PTPN11: variants seen among roughly 807,000 people sequenced by gnomAD.
The protein encoded by PTPN11 is protein tyrosine phosphatase non-receptor type 11, also known as tyrosine-protein phosphatase non-receptor type 11.
Under a neutral mutation model 78.8 loss-of-function variants are expected in PTPN11, and 6 were observed. That is an observed-to-expected ratio of 0.08 (90% confidence interval 0.04 to 0.15). PTPN11 has a LOEUF of 0.15. Ranked by LOEUF, PTPN11 falls within the 10% of genes least tolerant of loss-of-function variation. PTPN11 has a pLI of 1.00. For synonymous variants in PTPN11, 221 were observed against 263.5 expected (o/e 0.84, Z 1.56); for missense variants, 386 against 744.8 (o/e 0.52, Z 5.61).
At chr12:112,455,792 C>T (rs181898787) in intron 5 of PTPN11, among the ~76,000 whole-genome samples, 158 bp from the exon 6 acceptor site, 3 of 151,260 alleles carry the variant, frequency 2.0e-5, no homozygotes, top group South Asian at 2.1e-4. Context: ...CACGGTGAAA[C>T]GATTTGAAAA....
rs1386827892 is a variant in PTPN11 at position 112,446,295 on chromosome 12, A to G, written c.34A>G (p.Thr12Ala). The change falls in exon 2 of 16, where the codon ACT (threonine) becomes GCT (alanine). Residue 12 changes from threonine (T) to alanine (A), a missense_variant. This residue lies in a region of PTPN11 where 279 missense variants were observed against 503.3 expected (regional missense o/e 0.55). Coordinates refer to ENST00000351677, the MANE Select transcript of PTPN11 (RefSeq NM_002834.5). The stretch of plus-strand genomic sequence containing the variant: ...TTTAAGATGGTTTCACCCAAATATC[A>G]CTGGTGTGGAGGCAGAAAACCTACT... The part of the protein sequence containing the change: ...TSRRWFHPNI[T>A]GVEAENLLLT... 3.1e-6 allele frequency: 5 copies of G among 1,613,974 alleles called. No homozygotes were observed. The highest frequency in any genetic ancestry group is 1.7e-5 in the Admixed American group (1 of 59,996).
chr12:112,506,988 A>T lies in PTPN11; in HGVS notation c.*1196A>T. 3.9e-6 allele frequency: 1 copy of T among 255,716 alleles called. No homozygotes were observed. The highest frequency in any genetic ancestry group is 5.3e-5 in the South Asian group (1 of 18,728). The allele number at this position is 255,716 out of a possible 1,614,324, so 15.8% of individuals were successfully genotyped here. ...GATGATGATGATGATGATGATGATG[A>T]TGATGGTTTTTTCTAATCAGAAGAA... On this transcript the variant is annotated 3_prime_UTR_variant, in exon 16 of 16. Transcript: ENST00000351677.
rs869312744 is a variant in PTPN11 at position 112,450,452 on chromosome 12, A to G, written c.272A>G (p.Lys91Arg). The G allele has an allele frequency of 6.2e-7, 1 of 1,614,044 alleles. No homozygotes were observed. Among genetic ancestry groups the G allele is most frequent in the African/African-American group, 1.3e-5 (1 of 75,044 alleles). The change falls in exon 3 of 16, where the codon AAG becomes AGG. Residue 91 changes from lysine (K) to arginine (R), a missense_variant. Physicochemically the swap from Lys to Arg is conservative, Grantham distance 26 (BLOSUM62 2). Coordinates refer to ENST00000351677, the MANE Select transcript of PTPN11 (RefSeq NM_002834.5). ...YMEHHGQLKE[K>R]NGDVIELKYP... ...GAACATCACGGGCAATTAAAAGAGA[A>G]GAATGGAGATGTCATTGAGCTTAAA...
chr12:112,453,266 T>A lies in PTPN11; in HGVS notation c.404T>A (p.Phe135Tyr). ...ACTGAAAAAGGAAAACATGGTAGTT[T>A]TCTTGTACGAGAGAGCCAGAGCCAC... Reference protein sequence around the residue: ...LLTEKGKHGSFLVRESQSHPG... With the variant: ...LLTEKGKHGSYLVRESQSHPG... The change falls in exon 4 of 16, where the codon TTT (phenylalanine) becomes TAT (tyrosine). Residue 135 changes from phenylalanine to tyrosine, a missense_variant. Phe to Tyr is a conservative substitution (Grantham distance 22, BLOSUM62 3). Transcript: ENST00000351677. The A allele has an allele frequency of 1.2e-6, 2 of 1,613,800 alleles. No homozygotes were observed. The highest frequency in any genetic ancestry group is 2.2e-5 in the South Asian group (2 of 91,076).
intron 12 of PTPN11, among the ~76,000 whole-genome samples, 173 bp from the exon 13 acceptor site, chr12:112,488,851 C>T (rs2038711301): frequency 2.0e-5 from 3 of 152,192 alleles, no homozygotes; most frequent in African/African-American, 7.2e-5. Flanking sequence ...ATGTAGTCTT[C>T]TGGGATCATT....
chr12:112,489,944 G>C (rs2038725456), intron 13 of PTPN11, among the ~76,000 whole-genome samples: 1 of 152,164 alleles, frequency 6.6e-6, no homozygotes, highest in Non-Finnish European at 1.5e-5. Context: ...TTCTAGCCTA[G>C]CAGAACAGCA....
At chr12:112,437,330 G>A (rs1353005562) in intron 1 of PTPN11, among the ~76,000 whole-genome samples, 1 of 151,398 alleles carries the variant, frequency 6.6e-6, no homozygotes. Context: ...GCTAATTTTT[G>A]TATTTTTTTT....
At chr12:112,449,189 C>T (rs2038040605) in intron 2 of PTPN11, among the ~76,000 whole-genome samples, 1 of 148,484 alleles carries the variant, frequency 6.7e-6, no homozygotes, top group East Asian at 2.1e-4. Context: ...GCCTGGCCAT[C>T]ACTTTTTTTT....
intron 1 of PTPN11, among the ~76,000 whole-genome samples, chr12:112,432,237 A>C (rs762522718): frequency 2.0e-5 from 3 of 152,216 alleles, no homozygotes; most frequent in Non-Finnish European, 2.9e-5. Context: ...TTCACACTCT[A>C]TGCCCGTCCA....
At position 112,504,868 on chromosome 12, in the gene PTPN11, T is replaced by C; in HGVS notation, c.*32+72T>C. On this transcript the variant is annotated intron_variant, in intron 15 of 15. Transcript: ENST00000351677. The surrounding 1 kb of genome is among the most constrained non-coding windows in gnomAD (Gnocchi z 4.7). ...CAGTATTTTTAAGCAGGCAAGCAAT[T>C]TGGGAATGTTTTAGCAAAGTGTACC... 9.9e-7 allele frequency: 1 copy of C among 1,011,970 alleles called. No individual in the cohort carries two copies. The highest frequency in any genetic ancestry group is 1.5e-6 in the Non-Finnish European group (1 of 659,204). 62.7% of individuals were successfully genotyped at this position (1,011,970 alleles called of 1,614,324 possible). A position where few individuals can be genotyped will look rare whatever the true frequency, so the allele number is the denominator to read the frequency against.
At chr12:112,442,830 T>TTATATATATATATATATATATA (rs71086107) in intron 1 of PTPN11, among the ~76,000 whole-genome samples, 1 of 43,532 alleles carries the variant, frequency 2.3e-5, no homozygotes, top group Non-Finnish European at 6.0e-5. Flanking sequence ...CTCTCTCTTT[T>TTATATATATATATATATATATA]TATATATATA....
chr12:112,481,684 G>A (rs961104181), intron 9 of PTPN11, among the ~76,000 whole-genome samples: 1 of 152,060 alleles, frequency 6.6e-6, no homozygotes, highest in Non-Finnish European at 1.5e-5. Context: ...GTAGAGACAC[G>A]GTTTCACCAT....
chr12:112,499,619 A>G (rs1414304477), intron 13 of PTPN11, among the ~76,000 whole-genome samples: 1 of 152,042 alleles, frequency 6.6e-6, no homozygotes, highest in Non-Finnish European at 1.5e-5. Context: ...GATTACAGGT[A>G]TGAGCCACAG....
intron 1 of PTPN11, among the ~76,000 whole-genome samples, chr12:112,432,773 A>G (rs1204744456): frequency 2.0e-5 from 3 of 151,778 alleles, no homozygotes; most frequent in African/African-American, 4.8e-5. Context: ...TGAACTCAGG[A>G]GTTTGAGACT....
intron 1 of PTPN11, among the ~76,000 whole-genome samples, chr12:112,435,208 T>A (rs556162369): frequency 6.6e-6 from 1 of 152,038 alleles, no homozygotes; most frequent in East Asian, 1.9e-4. Context: ...TTTGTAGAGA[T>A]GGGGTTTCCC....
intron 9 of PTPN11, 124 bp from the exon 10 acceptor site, chr12:112,481,950 G>A (rs2038602189): frequency 9.5e-7 from 1 of 1,048,210 alleles, no homozygotes; most frequent in African/African-American, 1.6e-5. Context: ...CCTAACAGAT[G>A]CGAAACAGGC....
chr12:112,425,308 A>G (rs2037600621), intron 1 of PTPN11, among the ~76,000 whole-genome samples: 1 of 152,112 alleles, frequency 6.6e-6, no homozygotes, highest in Non-Finnish European at 1.5e-5. Context: ...TCAAGAATTT[A>G]ACTTTTTTTG....
Position 112,477,596 on chromosome 12 carries a change from G to GT in PTPN11, c.854-49dup. The GT allele has an allele frequency of 1.2e-5, 17 of 1,415,556 alleles. No individual in the cohort carries two copies. The South Asian group carries it at 1.5e-4, about 12-fold the overall frequency. 87.7% of individuals were successfully genotyped at this position (1,415,556 alleles called of 1,614,324 possible). A position where few individuals can be genotyped will look rare whatever the true frequency, so the allele number is the denominator to read the frequency against. On this transcript the variant is annotated intron_variant, in intron 7 of 15. Transcript: ENST00000351677. The stretch of plus-strand genomic sequence containing the variant: ...GGCTGGGGAGTAACTGATTTGAACT[G>GT]TTTTTTCCTGAAGCAGTCCAGGACT...
At chr12:112,454,778 A>C (rs1018028916) in intron 5 of PTPN11, 98 bp downstream of exon 5, 3 of 809,098 alleles carry the variant, frequency 3.7e-6, no homozygotes, top group Non-Finnish European at 6.4e-6. Context: ...GAATAGTATC[A>C]TCAGCCTCCA....
Sources: allele counts gnomAD v4.1 joint callset (sites outside exome capture counted in the v4.1 genomes callset), GRCh38; gene constraint gnomAD v4.1.1; regional missense constraint gnomAD v4.1.1; non-coding constraint Gnocchi (gnomAD v3.1); transcripts MANE v1.5; gene names NCBI Gene and HGNC (gene_info 2026-07-23, HGNC 2026-07-21).